The following ARHGAP10 variants were observed in gnomAD, a reference collection of about 807,000 sequenced individuals.
ARHGAP10 encodes the protein Rho GTPase activating protein 10, also known as rho GTPase-activating protein 10.
Under a neutral mutation model 108.6 loss-of-function variants are expected in ARHGAP10, and 87 were observed. The ratio of observed to expected loss-of-function variants is 0.80; its 90% CI spans 0.67 to 0.96. The LOEUF (loss-of-function observed/expected upper bound fraction) is 0.96, where lower values mean the gene tolerates loss of function less well. Ranked by LOEUF, ARHGAP10 falls within the 40% of genes least tolerant of loss-of-function variation. The pLI is 0.00. For synonymous variants in ARHGAP10, 347 were observed against 341.1 expected (o/e 1.02, Z -0.19); for missense variants, 939 against 954.5 (o/e 0.98, Z 0.21).
At chr4:147,853,978 G>T (rs1240504921) in intron 4 of ARHGAP10, among the ~76,000 whole-genome samples, 1 of 152,130 alleles carries the variant, frequency 6.6e-6, no homozygotes, top group Non-Finnish European at 1.5e-5. Flanking sequence ...TAAACCCAGT[G>T]ATGTGTAATG....
intron 13 of ARHGAP10, among the ~76,000 whole-genome samples, chr4:147,922,580 T>C (rs952459886): frequency 2.7e-4 from 40 of 146,498 alleles, no homozygotes; most frequent in African/African-American, 9.9e-4. Context: ...CCTAGCTACT[T>C]GGGAGGCTGA....
At chr4:147,909,919 A>G (rs4627844) in intron 12 of ARHGAP10, 142 bp downstream of exon 12, 630,957 of 758,290 alleles carry the variant, frequency 0.83, 275,779 homozygotes, top group Non-Finnish European at 0.92. Context: ...ATAATCCTCT[A>G]TTGCATGTGT....
At chr4:147,775,981 C>T (rs1156986685) in intron 1 of ARHGAP10, among the ~76,000 whole-genome samples, 1 of 152,176 alleles carries the variant, frequency 6.6e-6, no homozygotes, top group African/African-American at 2.4e-5. Context: ...TATGATGGCA[C>T]CGAGCACAAA....
In ARHGAP10 at chr4:148,008,886, G is replaced by A. The variant is rs182558031; in HGVS notation, c.1717-14377G>A. 2.6e-4 allele frequency among the ~76,000 whole-genome samples: 39 copies of A among 152,172 alleles called. No individual in the cohort carries two copies. In the South Asian group the frequency reaches 2.7e-3, roughly 11 times the overall value. ...GAATGCAGAAGGAGACAGAGAGTCC[G>A]CTGTCTACTGTTAAGTCGGACGTTA... On this transcript the variant is annotated intron_variant, in intron 18 of 22. Coordinates refer to ENST00000336498, the MANE Select transcript of ARHGAP10 (RefSeq NM_024605.4).
intron 18 of ARHGAP10, among the ~76,000 whole-genome samples, chr4:148,002,022 C>G (rs1578778482): frequency 6.6e-6 from 1 of 152,266 alleles, no homozygotes; most frequent in East Asian, 1.9e-4. Context: ...CCAGTTTTTG[C>G]CCATTCAGTA....
intron 1 of ARHGAP10, among the ~76,000 whole-genome samples, chr4:147,820,819 G>C (rs1732464403): frequency 6.6e-6 from 1 of 151,978 alleles, no homozygotes; most frequent in African/African-American, 2.4e-5. Flanking sequence ...TCAAACTCCT[G>C]GTCTCAAGTG....
chr4:147,906,634 T>A lies in ARHGAP10; in HGVS notation c.1035-4T>A, dbSNP rs1216947457. On this transcript the variant is annotated splice_region_variant and splice_polypyrimidine_tract_variant and intron_variant, in intron 10 of 22. Transcript: ENST00000336498. Reference sequence around the variant, plus strand: ...TAACCTGATATGTTACTGGTGTCTTTCAGGCCTGGCGTTTCCTTGACCATG... The same window carrying A: ...TAACCTGATATGTTACTGGTGTCTTACAGGCCTGGCGTTTCCTTGACCATG... The A allele has an allele frequency of 9.3e-6, 15 of 1,614,002 alleles. No homozygotes were observed. Among genetic ancestry groups the A allele is most frequent in the Admixed American group, 1.7e-5 (1 of 60,002 alleles).
chr4:148,062,541 G>C (rs1045729412), intron 20 of ARHGAP10, among the ~76,000 whole-genome samples: 1 of 152,134 alleles, frequency 6.6e-6, no homozygotes, highest in Non-Finnish European at 1.5e-5. Context: ...GTGCTTAGAG[G>C]CCATTCCAGG....
chr4:147,835,413 C>T (rs1426280400), intron 3 of ARHGAP10, among the ~76,000 whole-genome samples: 1 of 152,140 alleles, frequency 6.6e-6, no homozygotes, highest in Non-Finnish European at 1.5e-5. Context: ...TGCTCTGTCG[C>T]CCAGGCTGGA....
At chr4:147,753,806 T>C (rs1729263036) in intron 1 of ARHGAP10, among the ~76,000 whole-genome samples, 1 of 152,206 alleles carries the variant, frequency 6.6e-6, no homozygotes, top group South Asian at 2.1e-4. Flanking sequence ...AAAATTTACA[T>C]TGGGATGAGA....
chr4:147,921,617 A>T (rs981823880), intron 13 of ARHGAP10, among the ~76,000 whole-genome samples: 1 of 152,204 alleles, frequency 6.6e-6, no homozygotes, highest in Non-Finnish European at 1.5e-5. Context: ...TGAGGGAAGA[A>T]ATAACAAAAT....
rs534950419 is a variant in ARHGAP10 at position 147,795,870 on chromosome 4, T to G, written c.155-26857T>G. Among the ~76,000 whole-genome samples, 115 of 152,086 alleles carry G rather than the reference T, an allele frequency of 7.6e-4. No individual in the cohort carries two copies. The Middle Eastern group carries it at 0.01, about 13-fold the overall frequency. ...CCACCACCTCCAGCTAATTTTTGTA[T>G]TTTTAGTAAAGATGGGGTTTCACCA... On this transcript the variant is annotated intron_variant, in intron 1 of 22. Coordinates refer to ENST00000336498, the MANE Select transcript of ARHGAP10 (RefSeq NM_024605.4).
intron 15 of ARHGAP10, among the ~76,000 whole-genome samples, chr4:147,953,976 A>C (rs1738700679): frequency 6.6e-6 from 1 of 152,000 alleles, no homozygotes; most frequent in South Asian, 2.1e-4. Context: ...TTCTTTTCAG[A>C]ATACTTTCTA....
At chr4:147,962,703 GTC>G (rs1235968326) in intron 16 of ARHGAP10, among the ~76,000 whole-genome samples, 1 of 152,064 alleles carries the variant, frequency 6.6e-6, no homozygotes, top group Non-Finnish European at 1.5e-5. Context: ...TTGAGATGGA[GTC>G]TCTCTCTGTT....
At chr4:147,743,413 G>T (rs955003526) in intron 1 of ARHGAP10, among the ~76,000 whole-genome samples, 5 of 152,172 alleles carry the variant, frequency 3.3e-5, no homozygotes, top group Middle Eastern at 3.2e-3. Context: ...TTGAAACCAG[G>T]TTTACTTACT....
intron 1 of ARHGAP10, among the ~76,000 whole-genome samples, chr4:147,782,932 T>TA (rs1214695097): frequency 1.4e-5 from 2 of 141,692 alleles, no homozygotes; most frequent in African/African-American, 2.6e-5. Flanking sequence ...ATATAATATA[T>TA]AAAATTATAT....
Position 147,847,168 on chromosome 4 carries a change from A to C in ARHGAP10, c.330A>C (p.Glu110Asp). ...QREIMALSVT[E>D]TLIKPLEKFR... Reference sequence around the variant, plus strand: ...TTCTCTAGGCATTAAGTGTAACTGAAACCCTGATTAAACCCTTGGAAAAAT... The same window carrying C: ...TTCTCTAGGCATTAAGTGTAACTGACACCCTGATTAAACCCTTGGAAAAAT... The change falls in exon 4 of 23, where the codon GAA becomes GAC. Residue 110 changes from glutamate to aspartate, a missense_variant. Glu to Asp is a conservative substitution (Grantham distance 45). Transcript: ENST00000336498. 6.2e-7 allele frequency: 1 copy of C among 1,613,480 alleles called. No individual in the cohort carries two copies. The highest frequency in any genetic ancestry group is 8.5e-7 in the Non-Finnish European group (1 of 1,179,482).
At chr4:147,745,594 C>T (rs1350283765) in intron 1 of ARHGAP10, among the ~76,000 whole-genome samples, 1 of 152,188 alleles carries the variant, frequency 6.6e-6, no homozygotes, top group Non-Finnish European at 1.5e-5. Context: ...TGGGTTCACG[C>T]CATTCTCCTG....
At chr4:147,852,500 G>A (rs1208466996) in intron 4 of ARHGAP10, among the ~76,000 whole-genome samples, 1 of 152,076 alleles carries the variant, frequency 6.6e-6, no homozygotes. Context: ...GTGTCAAGTA[G>A]GAACGAGTGA....
Sources: gnomAD v4.1 joint callset for allele counts (sites outside exome capture counted in the v4.1 genomes callset) on GRCh38, gnomAD v4.1.1 for gene constraint, MANE v1.5 for transcripts, NCBI Gene and HGNC (gene_info 2026-07-23, HGNC 2026-07-21) for gene names.